Variants in ADPGK observed in about 807,000 individuals in gnomAD.
The protein encoded by ADPGK is ADP-dependent glucokinase.
ADPGK carries 26 observed loss-of-function variants against 42.4 expected under a neutral mutation model. That is an observed-to-expected ratio of 0.61 (90% confidence interval 0.45 to 0.85). ADPGK has a LOEUF of 0.85. ADPGK is among the 40% of genes least tolerant of loss of function. The pLI is 0.00. For missense variants in ADPGK, 571 were observed against 627.0 expected (o/e 0.91, Z 0.95); for synonymous variants, 267 against 252.6 (o/e 1.06, Z -0.54).
At position 72,783,495 on chromosome 15, in the gene ADPGK, A is replaced by C. The variant is rs1566969667; in HGVS notation, c.197T>G (p.Val66Gly). Residue 66 changes from valine to glycine, a missense_variant, in exon 1 of 7, where the codon GTG becomes GGG. Physicochemically the swap from Val to Gly is moderately radical, Grantham distance 109 (BLOSUM62 -3). This residue lies in a region of ADPGK where 137 missense variants were observed against 104.2 expected (regional missense o/e 1.31). Transcript: ENST00000456471. ...RLAAAWDALI[V>G]RPVRRWRRVA... ...GCGGCGCCAGCGCCGGACTGGCCGC[A>C]CGATAAGCGCGTCCCAGGCTGCCGC... 7.0e-7 allele frequency: 1 copy of C among 1,436,038 alleles called. No individual in the cohort carries two copies. The highest frequency in any genetic ancestry group is 2.9e-5 in the East Asian group (1 of 34,206). The allele number at this position is 1,436,038 out of a possible 1,614,324, so 89.0% of individuals were successfully genotyped here. A position where few individuals can be genotyped will look rare whatever the true frequency, so the allele number is the denominator to read the frequency against.
Position 72,783,712 on chromosome 15 carries a change from T to G in ADPGK, c.-21A>C. ...GCCATGGGGACCCAGGCGCCGCACC[T>G]GCGCGAACCAACTCCTTTCCTAGCC... On this transcript the variant is annotated 5_prime_UTR_variant, in exon 1 of 7. Coordinates refer to ENST00000456471, the MANE Select transcript of ADPGK (RefSeq NM_001365225.1). 2 of 1,447,850 alleles carry G rather than the reference T, an allele frequency of 1.4e-6. No individual in the cohort carries two copies. The highest frequency in any genetic ancestry group is 1.8e-6 in the Non-Finnish European group (2 of 1,107,192). The allele number at this position is 1,447,850 out of a possible 1,614,324, so 89.7% of individuals were successfully genotyped here.
chr15:72,778,087 A>G (rs1859978183), intron 1 of ADPGK, among the ~76,000 whole-genome samples: 1 of 151,770 alleles, frequency 6.6e-6, no homozygotes, highest in East Asian at 1.9e-4. Context: ...CGTCTCTACA[A>G]AAAATACAAA....
At chr15:72,760,269 A>G (rs2066175172) in intron 4 of ADPGK, 138 bp downstream of exon 4, 2 of 1,123,330 alleles carry the variant, frequency 1.8e-6, no homozygotes, top group Non-Finnish European at 2.4e-6. Context: ...TAGAACCAAT[A>G]GGTCAGGAAA....
chr15:72,775,048 C>T lies in ADPGK; in HGVS notation c.283G>A (p.Ala95Thr). ...VVLSGVKLLQ[A>T]LGLSPGNGKD... Reference sequence around the variant, plus strand: ...CCATTCCCAGGACTAAGGCCAAGTGCCTGCAAGAGCTTCACCCCTGAGAGC... The same window carrying T: ...CCATTCCCAGGACTAAGGCCAAGTGTCTGCAAGAGCTTCACCCCTGAGAGC... The change falls in exon 2 of 7, where the codon GCA becomes ACA. Residue 95 changes from alanine to threonine, a missense_variant. This residue lies in a region of ADPGK where 434 missense variants were observed against 522.7 expected (regional missense o/e 0.83). Coordinates refer to ENST00000456471, the MANE Select transcript of ADPGK (RefSeq NM_001365225.1). 1 of 1,614,178 alleles carries T rather than the reference C, an allele frequency of 6.2e-7. No homozygotes were observed. The highest frequency in any genetic ancestry group is 8.5e-7 in the Non-Finnish European group (1 of 1,180,038).
chr15:72,753,070 TTCA>T (rs1291835114), intron 6 of ADPGK, among the ~76,000 whole-genome samples, 175 bp from the exon 7 acceptor site: 1 of 152,222 alleles, frequency 6.6e-6, no homozygotes, highest in Non-Finnish European at 1.5e-5. Context: ...TATCTTCACC[TTCA>T]TCATCATTTG....
Position 72,783,526 on chromosome 15 carries a change from G to T in ADPGK, c.166C>A (p.Arg56=). The change falls in exon 1 of 7, where the codon CGG becomes AGG. Residue 56 remains arginine, a synonymous_variant. Coordinates refer to ENST00000456471, the MANE Select transcript of ADPGK (RefSeq NM_001365225.1). Reference sequence around the variant, plus strand: ...AGCGCGTCCCAGGCTGCCGCCAACCGGCCCTCGGGGGAGACGGGTCCCGGG... The same window carrying T: ...AGCGCGTCCCAGGCTGCCGCCAACCTGCCCTCGGGGGAGACGGGTCCCGGG... ...APPGPVSPEG[R]LAAAWDALIV... 1 of 1,477,920 alleles carries T rather than the reference G, an allele frequency of 6.8e-7. No individual in the cohort carries two copies. The allele number at this position is 1,477,920 out of a possible 1,614,324, so 91.6% of individuals were successfully genotyped here.
chr15:72,752,564 C>T lies in ADPGK; in HGVS notation c.1271G>A (p.Arg424Gln), dbSNP rs780562954. 82 of 1,614,224 alleles carry T rather than the reference C, an allele frequency of 5.1e-5. 2 individuals are homozygous for T. The South Asian group carries it at 6.7e-4, about 13-fold the overall frequency. Residue 424 changes from arginine to glutamine, a missense_variant, in exon 7 of 7, where the codon CGA becomes CAA. Physicochemically the swap from Arg to Gln is conservative, Grantham distance 43. Around this residue, in one of 2 missense-constraint regions of ADPGK, gnomAD observed 434 missense variants for 522.7 expected, o/e 0.83. Transcript: ENST00000456471. Reference sequence around the variant, plus strand: ...CTCTTGGGGTGCCCTCAGAGACACTCGGCTGGTGTCTATGGTTTCTGTGGC... The same window carrying T: ...CTCTTGGGGTGCCCTCAGAGACACTTGGCTGGTGTCTATGGTTTCTGTGGC... ...ACATETIDTSRVSLRAPQEFM... is the reference protein window; with the variant it reads ...ACATETIDTSQVSLRAPQEFM...
At chr15:72,765,012 AAT>A (rs74694553) in intron 3 of ADPGK, among the ~76,000 whole-genome samples, 1 of 151,970 alleles carries the variant, frequency 6.6e-6, no homozygotes, top group Non-Finnish European at 1.5e-5. Flanking sequence ...AAAAAAAAAA[AAT>A]GTTTGAAGTA....
intron 1 of ADPGK, chr15:72,782,788 G>C (rs964253233): frequency 6.6e-6 from 1 of 152,262 alleles, no homozygotes; most frequent in East Asian, 1.9e-4. Flanking sequence ...ACTAAAGTTA[G>C]TGTTTACAGT....
At position 72,783,604 on chromosome 15, in the gene ADPGK, A is replaced by G. The variant is rs1266259117; in HGVS notation, c.88T>C (p.Ser30Pro). Residue 30 changes from serine to proline, a missense_variant, in exon 1 of 7, where the codon TCG (serine) becomes CCG (proline). By Grantham distance (74) the Ser-to-Pro change is moderately conservative. Around this residue, in one of 2 missense-constraint regions of ADPGK, gnomAD observed 137 missense variants for 104.2 expected, o/e 1.31. Transcript: ENST00000456471. ...GAGCTCCAGAGAGAGCGCAGCGCCG[A>G]GCCTGGCAGCTCTGGCTCCAGCAGG... ...VFLLEPELPG[S>P]ALRSLWSSLC... 6.6e-7 allele frequency: 1 copy of G among 1,516,490 alleles called. No homozygotes were observed. The highest frequency in any genetic ancestry group is 2.0e-5 in the Admixed American group (1 of 49,416). The allele number at this position is 1,516,490 out of a possible 1,614,324, so 93.9% of individuals were successfully genotyped here. A position where few individuals can be genotyped will look rare whatever the true frequency, so the allele number is the denominator to read the frequency against.
intron 5 of ADPGK, 96 bp from the exon 6 acceptor site, chr15:72,755,750 G>A (rs949109863): frequency 1.7e-5 from 16 of 945,466 alleles, no homozygotes; most frequent in Non-Finnish European, 2.6e-5. Context: ...GTTCCTCCTG[G>A]TAATGGCCTT....
chr15:72,775,052 C>G lies in ADPGK; in HGVS notation c.279G>C (p.Leu93Phe), dbSNP rs1451393656. The change falls in exon 2 of 7, where the codon TTG becomes TTC. Residue 93 changes from leucine to phenylalanine, a missense_variant. Leu to Phe is a conservative substitution (Grantham distance 22). Coordinates refer to ENST00000456471, the MANE Select transcript of ADPGK (RefSeq NM_001365225.1). ...VDVVLSGVKLLQALGLSPGNG... is the reference protein window; with the variant it reads ...VDVVLSGVKLFQALGLSPGNG... ...TCCCAGGACTAAGGCCAAGTGCCTG[C>G]AAGAGCTTCACCCCTGAGAGCACCA... The G allele has an allele frequency of 3.7e-6, 6 of 1,614,038 alleles. No homozygotes were observed. The highest frequency in any genetic ancestry group is 5.1e-6 in the Non-Finnish European group (6 of 1,180,038).
intron 1 of ADPGK, 22 bp from the exon 2 acceptor site, chr15:72,775,119 T>C: frequency 1.2e-6 from 2 of 1,603,124 alleles, no homozygotes; most frequent in Non-Finnish European, 1.7e-6. Flanking sequence ...AAAAAAACTG[T>C]GTGAAAGCAG....
At chr15:72,766,833 A>C (rs1019881312) in intron 3 of ADPGK, among the ~76,000 whole-genome samples, 1 of 152,200 alleles carries the variant, frequency 6.6e-6, no homozygotes, top group South Asian at 2.1e-4. Context: ...GATAAAATGA[A>C]ATCATAGAAA....
At chr15:72,768,567 C>A (rs2066287739) in intron 3 of ADPGK, among the ~76,000 whole-genome samples, 1 of 152,016 alleles carries the variant, frequency 6.6e-6, no homozygotes, top group African/African-American at 2.4e-5. Context: ...ACTCGGGAGG[C>A]TGAGGCATGA....
In ADPGK at chr15:72,767,726, C is replaced by T. The variant is rs117250173; in HGVS notation, c.522+4057G>A. 3.2e-3 allele frequency among the ~76,000 whole-genome samples: 489 copies of T among 152,184 alleles called. 3 individuals carry two copies. The highest frequency in any genetic ancestry group is 6.8e-3 in the Middle Eastern group (2 of 294). On this transcript the variant is annotated intron_variant, in intron 3 of 6. Coordinates refer to ENST00000456471, the MANE Select transcript of ADPGK (RefSeq NM_001365225.1). ...ATGAATGGGCTATTAAATGGCACAT[C>T]TCAATAAATCAAAGGGATATTAGTA... is the stretch of plus-strand genomic sequence containing the variant.
In ADPGK at chr15:72,756,329, C is replaced by G; in HGVS notation, c.762G>C (p.Gln254His). 1 of 1,614,234 alleles carries G rather than the reference C, an allele frequency of 6.2e-7. No individual in the cohort carries two copies. The highest frequency in any genetic ancestry group is 8.5e-7 in the Non-Finnish European group (1 of 1,180,050). ...EVFVSSLEEF[Q>H]PDLVVLSGLH... ...ATCCAGAGAGGACCACCAGGTCTGGCTGAAACTCCTCCAGGCTAGACACAA... is the reference window on the plus strand; with the variant it reads ...ATCCAGAGAGGACCACCAGGTCTGGGTGAAACTCCTCCAGGCTAGACACAA... The change falls in exon 5 of 7, where the codon CAG (glutamine) becomes CAC (histidine). Residue 254 changes from glutamine (Q) to histidine (H), a missense_variant. By Grantham distance (24) the Gln-to-His change is conservative. This residue lies in a region of ADPGK where 434 missense variants were observed against 522.7 expected (regional missense o/e 0.83). Coordinates refer to ENST00000456471, the MANE Select transcript of ADPGK (RefSeq NM_001365225.1).
chr15:72,780,269 T>C (rs2066441178), intron 1 of ADPGK, among the ~76,000 whole-genome samples: 1 of 152,166 alleles, frequency 6.6e-6, no homozygotes, highest in South Asian at 2.1e-4. Flanking sequence ...CAAGGCACCT[T>C]CTTCTTAAGG....
In ADPGK at chr15:72,751,859, A is replaced by C. The variant is rs2151065209; in HGVS notation, c.*482T>G. ...TCCTAAATTTGAGAGCAGGAGACTG[A>C]GAAGGTTATGCTCATTAAATATTGT... is the stretch of plus-strand genomic sequence containing the variant. On this transcript the variant is annotated 3_prime_UTR_variant, in exon 7 of 7. Transcript: ENST00000456471. The C allele has an allele frequency of 6.3e-6, 1 of 158,550 alleles. No homozygotes were observed. The highest frequency in any genetic ancestry group is 6.0e-5 in the Admixed American group (1 of 16,752). The allele number at this position is 158,550 out of a possible 1,614,324, so 9.8% of individuals were successfully genotyped here.
Sources: gnomAD v4.1 joint callset for allele counts (sites outside exome capture counted in the v4.1 genomes callset) on GRCh38, gnomAD v4.1.1 for gene constraint, gnomAD v4.1.1 regional missense constraint, MANE v1.5 for transcripts, NCBI Gene and HGNC (gene_info 2026-07-23, HGNC 2026-07-21) for gene names.